Variants in CFAP46 observed in about 807,000 individuals in gnomAD.
CFAP46 encodes cilia and flagella associated protein 46.
CFAP46 carries 245 observed loss-of-function variants against 325.7 expected under a neutral mutation model. That is an observed-to-expected ratio of 0.75 (90% CI 0.68 to 0.84). CFAP46 has a LOEUF of 0.84. Ranked by LOEUF, CFAP46 falls within the 40% of genes least tolerant of loss-of-function variation. The pLI is 0.00. For missense variants in CFAP46, 3,346 were observed against 3,543.0 expected (o/e 0.94, Z 1.41); for synonymous variants, 1,523 against 1,495.9 (o/e 1.02, Z -0.42).
intron 28 of CFAP46, 66 bp downstream of exon 28, chr10:132,880,795 C>G: frequency 1.3e-6 from 2 of 1,504,146 alleles, no homozygotes; most frequent in Non-Finnish European, 1.8e-6. Context: ...GTCCAGATCA[C>G]GGAGCAGGAA....
chr10:132,866,453 G>A lies in CFAP46; in HGVS notation c.4744-282C>T, dbSNP rs150014217. On this transcript the variant is annotated intron_variant, in intron 34 of 57. Coordinates refer to ENST00000368586, the MANE Select transcript of CFAP46 (RefSeq NM_001200049.3). Reference sequence around the variant, plus strand: ...GCCAACTAAGCCCACCACTAGCCACGTAGAGCCTTTGCTACTCCACACACA... The same window carrying A: ...GCCAACTAAGCCCACCACTAGCCACATAGAGCCTTTGCTACTCCACACACA... Among the ~76,000 whole-genome samples the A allele has an allele frequency of 9.3e-3, 1,411 of 152,276 alleles. 12 individuals carry two copies. The highest frequency in any genetic ancestry group is 0.043 in the South Asian group (210 of 4,828).
intron 57 of CFAP46, among the ~76,000 whole-genome samples, chr10:132,809,116 C>G (rs773706279): frequency 5.3e-5 from 8 of 152,134 alleles, no homozygotes; most frequent in Non-Finnish European, 8.8e-5. Context: ...GGTGACGGCA[C>G]CAGGACTGGA....
chr10:132,869,334 G>A lies in CFAP46; in HGVS notation c.4550C>T (p.Ala1517Val), dbSNP rs2135297425. The change falls in exon 33 of 58, where the codon GCA becomes GTA. Residue 1517 changes from alanine (A) to valine (V), a missense_variant. Transcript: ENST00000368586. This position sits in a 1 kb window ranked among gnomAD's most constrained non-coding sequence, Gnocchi z 6.2. ...HACSELKLRE[A>V]AARHEEAVGQ... Reference sequence around the variant, plus strand: ...GACCGCCTCTTCATGGCGCGCGGCTGCTTCTCTCAGCTTCAGCTCGGAGCA... The same window carrying A: ...GACCGCCTCTTCATGGCGCGCGGCTACTTCTCTCAGCTTCAGCTCGGAGCA... 1.3e-6 allele frequency: 2 copies of A among 1,538,444 alleles called. No homozygotes were observed. Among genetic ancestry groups the A allele is most frequent in the South Asian group, 1.2e-5 (1 of 83,426 alleles).
At chr10:132,908,744 C>G in intron 21 of CFAP46, 110 bp from the exon 22 acceptor site, 1 of 1,339,532 alleles carries the variant, frequency 7.5e-7, no homozygotes, top group South Asian at 1.5e-5. Flanking sequence ...AGAGGCGTGG[C>G]CTGTGAAGGG....
intron 38 of CFAP46, among the ~76,000 whole-genome samples, chr10:132,858,182 A>G (rs1848670284): frequency 6.6e-6 from 1 of 151,486 alleles, no homozygotes; most frequent in Non-Finnish European, 1.5e-5. Flanking sequence ...ACACGCCCGC[A>G]CTGGGCCCGC....
At chr10:132,913,963 C>T (rs574304874) in intron 17 of CFAP46, among the ~76,000 whole-genome samples, 18 of 152,290 alleles carry the variant, frequency 1.2e-4, no homozygotes, top group South Asian at 6.2e-4. Flanking sequence ...GGCTGGTTCC[C>T]GTGGCCACGA....
chr10:132,846,312 C>T (rs916369669), intron 43 of CFAP46, 85 bp from the exon 44 acceptor site: 2 of 1,472,020 alleles, frequency 1.4e-6, no homozygotes, highest in South Asian at 1.3e-5. Flanking sequence ...GCAGCAGCTG[C>T]AGCCTGGGAG....
In CFAP46 at chr10:132,850,316, C is replaced by T. The variant is rs768832693; in HGVS notation, c.5880G>A (p.Gly1960=). 43 of 1,551,526 alleles carry T rather than the reference C, an allele frequency of 2.8e-5. No individual in the cohort carries two copies. Among genetic ancestry groups the T allele is most frequent in the Non-Finnish European group, 3.5e-5 (40 of 1,147,512 alleles). Reference sequence around the variant, plus strand: ...GCATGGCCAGCAGGTGCAGGGCCCTCCCGGCCAGGCCCAGGAGCCGGGCGC... The same window carrying T: ...GCATGGCCAGCAGGTGCAGGGCCCTTCCGGCCAGGCCCAGGAGCCGGGCGC... ...EIRARLLGLA[G]RALHLLAMQA... The change falls in exon 41 of 58, where the codon GGG becomes GGA. Residue 1960 remains glycine, a synonymous_variant. Transcript: ENST00000368586.
At chr10:132,837,956 T>TGCACGG (rs1564773037) in intron 44 of CFAP46, among the ~76,000 whole-genome samples, 33 of 149,014 alleles carry the variant, frequency 2.2e-4, no homozygotes, top group African/African-American at 6.5e-4. Context: ...CACGCACGTG[T>TGCACGG]ACACAGACGC....
Position 132,924,820 on chromosome 10 carries a change from G to A in CFAP46, c.1132C>T (p.Arg378Trp), listed in dbSNP as rs915751600. The A allele has an allele frequency of 1.8e-5, 26 of 1,465,866 alleles. 1 individual carries two copies. The South Asian group carries it at 3.1e-4, about 18-fold the overall frequency. The allele number at this position is 1,465,866 out of a possible 1,614,324, so 90.8% of individuals were successfully genotyped here. Residue 378 changes from arginine to tryptophan, a missense_variant, in exon 11 of 58, where the codon CGG becomes TGG. Coordinates refer to ENST00000368586, the MANE Select transcript of CFAP46 (RefSeq NM_001200049.3). ...LQRAVRLGDP[R>W]VIHVVCATQW... is the part of the protein sequence containing the mutation. ...GTGGCGCACACCACGTGGATGACCC[G>A]GGGGTCGCCCAGGCGCACGGCTCGC...
At chr10:132,868,394 G>C (rs1564785044) in intron 33 of CFAP46, among the ~76,000 whole-genome samples, 1 of 152,208 alleles carries the variant, frequency 6.6e-6, no homozygotes, top group East Asian at 1.9e-4. Context: ...CTGGGACACT[G>C]CTCCACGTCC....
In CFAP46 at chr10:132,859,242, A is replaced by C; in HGVS notation, c.5204T>G (p.Leu1735Arg). 5.8e-6 allele frequency: 9 copies of C among 1,548,080 alleles called. No homozygotes were observed. Among genetic ancestry groups the C allele is most frequent in the Non-Finnish European group, 7.9e-6 (9 of 1,146,494 alleles). ...CTGCGCAACTCTGACCCGCAGGCTC[A>C]GGCACCTGACGGAGGGACGGTTTGG... ...FMITDLEARC[L>R]SLRVRVAQHS... The change falls in exon 38 of 58, where the codon CTG becomes CGG. Residue 1735 changes from leucine (L) to arginine (R), a missense_variant. Leu to Arg is a moderately radical substitution (Grantham distance 102, BLOSUM62 -2). Transcript: ENST00000368586.
At chr10:132,942,214 G>GCCA in intron 1 of CFAP46, 110 bp from the exon 2 acceptor site, 1 of 1,415,688 alleles carries the variant, frequency 7.1e-7, no homozygotes, top group Non-Finnish European at 9.5e-7. Context: ...CCGGGCCACA[G>GCCA]CCACCGTCAG....
At position 132,886,081 on chromosome 10, in the gene CFAP46, T is replaced by G. The variant is rs1591072165; in HGVS notation, c.3305-122A>C. 2.3e-6 allele frequency: 3 copies of G among 1,328,630 alleles called. No individual in the cohort carries two copies. In the Admixed American group the frequency reaches 6.5e-5, roughly 29 times the overall value. 82.3% of individuals were successfully genotyped at this position (1,328,630 alleles called of 1,614,324 possible). On this transcript the variant is annotated intron_variant, in intron 25 of 57. Transcript: ENST00000368586. The surrounding 1 kb of genome is among the most constrained non-coding windows in gnomAD (Gnocchi z 5.8). ...TGAGGTGGAACCGCGGCTACAGAGGTGCCCAGGCCAGCGCATGCCCCGCAG... is the reference window on the plus strand; with the variant it reads ...TGAGGTGGAACCGCGGCTACAGAGGGGCCCAGGCCAGCGCATGCCCCGCAG...
At chr10:132,934,898 C>G in intron 7 of CFAP46, 36 bp from the exon 8 acceptor site, 1 of 1,282,086 alleles carries the variant, frequency 7.8e-7, no homozygotes, top group African/African-American at 1.5e-5. Context: ...AGCACAAGAT[C>G]CTGTCAGATT....
rs963769581 is a variant in CFAP46, at chr10:132,885,889, G to A, written c.3375C>T (p.Asp1125=). 43 of 1,550,144 alleles carry A rather than the reference G, an allele frequency of 2.8e-5. No individual in the cohort carries two copies. The Admixed American group carries it at 3.3e-4, about 12-fold the overall frequency. The part of the protein sequence containing the change: ...GLLFHSHADQ[D]DWEGGLKVLD... ...GCACCTTGAGGCCGCCCTCCCAGTC[G>A]TCCTGGTCGGCATGGCTGTGGAAGA... The change falls in exon 26 of 58, where the codon GAC becomes GAT. Residue 1125 remains aspartate (D), a synonymous_variant. Coordinates refer to ENST00000368586, the MANE Select transcript of CFAP46 (RefSeq NM_001200049.3).
Position 132,940,990 on chromosome 10 carries a change from G to C in CFAP46, c.371+6C>G. ...AGTGAGAAACGGCCACTTCAATTTT[G>C]CCTACCTCGGTTCTCCTTTGGCAAA... On this transcript the variant is annotated splice_donor_region_variant and intron_variant, in intron 4 of 57. Coordinates refer to ENST00000368586, the MANE Select transcript of CFAP46 (RefSeq NM_001200049.3). 6.2e-7 allele frequency: 1 copy of C among 1,614,056 alleles called. No individual in the cohort carries two copies. Among genetic ancestry groups the C allele is most frequent in the Non-Finnish European group, 8.5e-7 (1 of 1,179,948 alleles).
chr10:132,909,978 C>G lies in CFAP46; in HGVS notation c.2590G>C (p.Val864Leu). The change falls in exon 20 of 58, where the codon GTC (valine) becomes CTC (leucine). Residue 864 changes from valine (V) to leucine (L), a missense_variant. By Grantham distance (32) the Val-to-Leu change is conservative. Transcript: ENST00000368586. ...TGCTGCAGCAGCTGCTTGGCCTTGA[C>G]CCAGGTGGCGATAAGCTGCTGCCGG... ...GTRQQLIATW[V>L]KAKQLLQQQI... The G allele has an allele frequency of 6.5e-7, 1 of 1,542,582 alleles. No homozygotes were observed. The highest frequency in any genetic ancestry group is 1.4e-5 in the African/African-American group (1 of 72,706).
At chr10:132,929,886 TTCAA>T (rs1849866910) in intron 8 of CFAP46, 82 bp from the exon 9 acceptor site, 9 of 931,036 alleles carry the variant, frequency 9.7e-6, no homozygotes, top group Non-Finnish European at 1.5e-5. Context: ...ATGTCCCCCG[TTCAA>T]GCAGAAGCAG....
Sources: gnomAD v4.1 joint callset for allele counts (sites outside exome capture counted in the v4.1 genomes callset) on GRCh38, gnomAD v4.1.1 for gene constraint, Gnocchi (gnomAD v3.1) non-coding constraint, MANE v1.5 for transcripts, NCBI Gene and HGNC (gene_info 2026-07-23, HGNC 2026-07-21) for gene names.